Variants in JMJD1C observed in about 807,000 individuals in gnomAD.
JMJD1C encodes jumonji domain-containing protein 1C.
A neutral mutation model predicts 245.3 loss-of-function variants in JMJD1C; 31 were observed. The observed-to-expected ratio is 0.13, with a 90% CI of 0.09 to 0.17. JMJD1C has a LOEUF of 0.17. JMJD1C is among the 10% of genes least tolerant of loss of function. The pLI is 1.00. For missense variants in JMJD1C, 2,691 were observed against 3,000.2 expected, an observed-to-expected ratio of 0.90 and a Z score of 2.41; for synonymous variants, 1,057 against 1,017.4, an observed-to-expected ratio of 1.04 and a Z score of -0.74.
chr10:63,451,498 T>TA (rs1952066450), intron 1 of JMJD1C, among the ~76,000 whole-genome samples: 3 of 152,112 alleles, frequency 2.0e-5, no homozygotes, highest in East Asian at 1.9e-4. Context: ...AGAAAAAAAT[T>TA]TAAAAAATAT....
At chr10:63,471,182 T>TTTCA (rs1486031499) in intron 1 of JMJD1C, among the ~76,000 whole-genome samples, 1 of 152,240 alleles carries the variant, frequency 6.6e-6, no homozygotes, top group African/African-American at 2.4e-5. Flanking sequence ...TCTTACAAGC[T>TTTCA]TTCACTATTG....
At chr10:63,178,889 T>A (rs537520334) in intron 22 of JMJD1C, among the ~76,000 whole-genome samples, 90 of 152,364 alleles carry the variant, frequency 5.9e-4, no homozygotes, top group Middle Eastern at 3.4e-3. Flanking sequence ...ATAAATATTC[T>A]TTTTAAAAAT....
intron 1 of JMJD1C, among the ~76,000 whole-genome samples, chr10:63,407,349 T>G (rs1949229814): frequency 6.6e-6 from 1 of 152,234 alleles, no homozygotes; most frequent in Non-Finnish European, 1.5e-5. Flanking sequence ...TAATGAAATA[T>G]GTCTAGGACT....
At chr10:63,399,753 A>G (rs1269552419) in intron 1 of JMJD1C, among the ~76,000 whole-genome samples, 1 of 150,794 alleles carries the variant, frequency 6.6e-6, no homozygotes, top group Non-Finnish European at 1.5e-5. Flanking sequence ...CTTCTGTTTC[A>G]TTTTGCTTTT....
intron 1 of JMJD1C, among the ~76,000 whole-genome samples, chr10:63,430,173 C>A (rs1950663643): frequency 6.6e-6 from 1 of 152,176 alleles, no homozygotes; most frequent in African/African-American, 2.4e-5. Context: ...AATTACTTCA[C>A]ACCATATACA....
At chr10:63,509,736 T>C (rs1713023374) in intron 1 of JMJD1C, among the ~76,000 whole-genome samples, 2 of 152,308 alleles carry the variant, frequency 1.3e-5, no homozygotes, top group East Asian at 1.9e-4. Context: ...TTAATGTCAA[T>C]GGGATCTGTA....
intron 2 of JMJD1C, among the ~76,000 whole-genome samples, chr10:63,279,059 G>A (rs559154397): frequency 2.4e-4 from 37 of 152,110 alleles, no homozygotes; most frequent in East Asian, 1.7e-3. Context: ...AGACTAGCCT[G>A]GCCAACATGG....
chr10:63,189,455 G>T lies in JMJD1C; in HGVS notation c.6292-9C>A. ...CGTCCACTTTTGCTACTCTATTAAG[G>T]AAAAAACAAAACAAAAAAAACCTGT... On this transcript the variant is annotated splice_polypyrimidine_tract_variant and intron_variant, in intron 17 of 25. Coordinates refer to ENST00000399262, the MANE Select transcript of JMJD1C (RefSeq NM_032776.3). 1 of 1,573,774 alleles carries T rather than the reference G, an allele frequency of 6.4e-7. No homozygotes were observed.
chr10:63,192,764 T>C (rs1357501276), intron 16 of JMJD1C, among the ~76,000 whole-genome samples, 174 bp downstream of exon 16: 2 of 152,086 alleles, frequency 1.3e-5, no homozygotes, highest in South Asian at 2.1e-4. Flanking sequence ...AACAGGCTAG[T>C]TCCTAATAAG....
intron 2 of JMJD1C, among the ~76,000 whole-genome samples, chr10:63,279,770 A>C (rs1230646003): frequency 3.9e-5 from 6 of 152,218 alleles, no homozygotes; most frequent in Admixed American, 3.3e-4. Context: ...TTAATTAATT[A>C]ATTTATGTGA....
At chr10:63,323,418 G>T (rs1161734814) in intron 2 of JMJD1C, among the ~76,000 whole-genome samples, 2 of 115,890 alleles carry the variant, frequency 1.7e-5, no homozygotes, top group Admixed American at 8.6e-5. Flanking sequence ...AACTCGGGAG[G>T]GTGAGGCAGA....
In JMJD1C at chr10:63,369,792, A is replaced by ATTC. The variant is rs377309949; in HGVS notation, c.333+10525_333+10526insGAA. 2.2e-3 allele frequency among the ~76,000 whole-genome samples: 342 copies of ATTC among 152,308 alleles called. 3 individuals are homozygous for ATTC. The highest frequency in any genetic ancestry group is 7.7e-3 in the African/African-American group (319 of 41,570). On this transcript the variant is annotated intron_variant, in intron 2 of 25. Transcript: ENST00000399262. ...GGGCTTCCACCTTGGCAACTGAGAG[A>ATTC]TGATCTCCAGGGCTCTAGAATATCT...
At chr10:63,210,185 TCA>T (rs1847155615) in intron 8 of JMJD1C, among the ~76,000 whole-genome samples, 1 of 152,080 alleles carries the variant, frequency 6.6e-6, no homozygotes, top group Non-Finnish European at 1.5e-5. Context: ...TCAAACGGCC[TCA>T]GTTCTATAAG....
chr10:63,252,496 G>C (rs948302110), intron 3 of JMJD1C, among the ~76,000 whole-genome samples: 1 of 152,180 alleles, frequency 6.6e-6, no homozygotes, highest in Non-Finnish European at 1.5e-5. Flanking sequence ...GACTGCAGCA[G>C]CAAGTCTTGC....
intron 2 of JMJD1C, among the ~76,000 whole-genome samples, chr10:63,346,846 G>A (rs527659271): frequency 5.9e-4 from 89 of 152,008 alleles, no homozygotes; most frequent in African/African-American, 1.9e-3. Context: ...ATAATTTAGC[G>A]CAACTAAAAT....
intron 2 of JMJD1C, among the ~76,000 whole-genome samples, chr10:63,356,032 G>C (rs371171193): frequency 3.5e-4 from 53 of 152,150 alleles, no homozygotes; most frequent in Admixed American, 1.4e-3. Context: ...CCAATGTGAG[G>C]AAAAATTAAG....
chr10:63,327,672 A>T (rs9299456), intron 2 of JMJD1C, among the ~76,000 whole-genome samples: 63,328 of 121,936 alleles, frequency 0.52, 13,753 homozygotes, highest in African/African-American at 0.61. Flanking sequence ...CACAGAAAAA[A>T]TTTTTTTTTT....
At chr10:63,360,733 A>AC (rs1945253628) in intron 2 of JMJD1C, among the ~76,000 whole-genome samples, 1 of 152,204 alleles carries the variant, frequency 6.6e-6, no homozygotes, top group African/African-American at 2.4e-5. Context: ...AATATTACAT[A>AC]CCACAAAAGT....
intron 2 of JMJD1C, among the ~76,000 whole-genome samples, chr10:63,286,489 T>G (rs1025248797): frequency 3.9e-5 from 6 of 152,208 alleles, no homozygotes; most frequent in Non-Finnish European, 8.8e-5. Context: ...CTTAGACCTT[T>G]TCTTAACAGA....
Sources: allele counts gnomAD v4.1 joint callset (sites outside exome capture counted in the v4.1 genomes callset), GRCh38; gene constraint gnomAD v4.1.1; transcripts MANE v1.5; gene names NCBI Gene and HGNC (gene_info 2026-07-23, HGNC 2026-07-21).